HSD17B12: variants seen among roughly 807,000 people sequenced by gnomAD.
HSD17B12 encodes very-long-chain 3-oxoacyl-CoA reductase.
A neutral mutation model predicts 39.3 loss-of-function variants in HSD17B12; 32 were observed. That is an observed-to-expected ratio of 0.81 (90% confidence interval 0.61 to 1.09). HSD17B12 has a LOEUF of 1.09. Ranked by LOEUF, HSD17B12 falls within the 50% of genes least tolerant of loss-of-function variation. HSD17B12 has a pLI of 0.00. For synonymous variants in HSD17B12, 150 were observed against 146.7 expected (o/e 1.02, Z -0.16); for missense variants, 342 against 382.9 (o/e 0.89, Z 0.89).
intron 3 of HSD17B12, among the ~76,000 whole-genome samples, chr11:43,766,266 G>A (rs1322715549): frequency 2.0e-5 from 3 of 151,990 alleles, no homozygotes; most frequent in African/African-American, 4.8e-5. Context: ...TTGACTGCTG[G>A]GCTCTATCTG....
At chr11:43,820,375 C>T (rs1377153274) in intron 6 of HSD17B12, among the ~76,000 whole-genome samples, 5 of 152,134 alleles carry the variant, frequency 3.3e-5, no homozygotes, top group Admixed American at 3.3e-4. Context: ...GTGTGACGCT[C>T]CCAGGTTTAG....
intron 4 of HSD17B12, among the ~76,000 whole-genome samples, chr11:43,808,285 C>G (rs1951037696): frequency 7.6e-6 from 1 of 131,196 alleles, no homozygotes; most frequent in Non-Finnish European, 1.7e-5. Flanking sequence ...AGAATAGGTG[C>G]ATGGATTTTT....
At chr11:43,751,824 C>T (rs931513098) in intron 2 of HSD17B12, among the ~76,000 whole-genome samples, 1 of 152,080 alleles carries the variant, frequency 6.6e-6, no homozygotes, top group African/African-American at 2.4e-5. Flanking sequence ...AACAGTTCAC[C>T]CCTAAATATT....
the HSD17B12 span, among the ~76,000 whole-genome samples, chr11:43,673,857 A>G: frequency 6.6e-6 from 1 of 152,154 alleles, no homozygotes; most frequent in Non-Finnish European, 1.5e-5. Flanking sequence ...TTCTGGAGAT[A>G]TGATTTCATA....
At chr11:43,830,941 T>C (rs6485471) in intron 6 of HSD17B12, 35 bp from the exon 7 acceptor site, 628,436 of 1,584,314 alleles carry the variant, frequency 0.4, 129,364 homozygotes, top group East Asian at 0.72. Flanking sequence ...CCTGCATCCT[T>C]GGCCATCATG....
rs558600919 is a variant in HSD17B12, at chr11:43,736,980, A to T, written c.161-13931A>T. Among the ~76,000 whole-genome samples, 24 of 152,308 alleles carry T rather than the reference A, an allele frequency of 1.6e-4. No individual in the cohort carries two copies. The South Asian group carries it at 4.6e-3, about 29-fold the overall frequency. Reference sequence around the variant, plus strand: ...GATTCCCAAGAGGAATACTGATGCAAGCTCTCTATCATTTTCTATTCCTAC... The same window carrying T: ...GATTCCCAAGAGGAATACTGATGCATGCTCTCTATCATTTTCTATTCCTAC... On this transcript the variant is annotated intron_variant, in intron 1 of 10. Coordinates refer to ENST00000278353, the MANE Select transcript of HSD17B12 (RefSeq NM_016142.3).
chr11:43,775,870 GT>G (rs1300951211), intron 3 of HSD17B12, among the ~76,000 whole-genome samples: 3 of 148,588 alleles, frequency 2.0e-5, no homozygotes, highest in Non-Finnish European at 4.4e-5. Context: ...TTGGTTTTTT[GT>G]TCTTGCAATA....
chr11:43,643,821 G>A, the HSD17B12 span, among the ~76,000 whole-genome samples: 4 of 152,176 alleles, frequency 2.6e-5, no homozygotes, highest in Non-Finnish European at 5.9e-5. Flanking sequence ...TAATAGTGTT[G>A]AGTACACGAA....
intron 1 of HSD17B12, among the ~76,000 whole-genome samples, chr11:43,693,254 G>C (rs1192639720): frequency 6.6e-6 from 1 of 152,194 alleles, no homozygotes; most frequent in Admixed American, 6.5e-5. Flanking sequence ...CAGCAAAGTG[G>C]AAGAGATTTG....
chr11:43,779,137 T>C (rs907105078), intron 3 of HSD17B12, among the ~76,000 whole-genome samples: 3 of 152,214 alleles, frequency 2.0e-5, no homozygotes, highest in African/African-American at 7.2e-5. Context: ...AATCATGAGA[T>C]AGAATTTATC....
chr11:43,643,240 G>GT, the HSD17B12 span, among the ~76,000 whole-genome samples: 1 of 152,082 alleles, frequency 6.6e-6, no homozygotes, highest in African/African-American at 2.4e-5. Flanking sequence ...AGTTTGTACT[G>GT]TATGTACAAA....
chr11:43,673,292 T>C, the HSD17B12 span: 1 of 152,188 alleles, frequency 6.6e-6, no homozygotes, highest in Non-Finnish European at 1.5e-5. Flanking sequence ...ATGGGAATAT[T>C]TGTATACTAA....
chr11:43,694,228 T>TGGTATAAGGGTTACACAGATA (rs1949889527), intron 1 of HSD17B12, among the ~76,000 whole-genome samples: 1 of 152,188 alleles, frequency 6.6e-6, no homozygotes, highest in Non-Finnish European at 1.5e-5. Flanking sequence ...ATGCAGTGAC[T>TGGTATAAGGGTTACACAGATA]GGTATAAGGG....
At chr11:43,690,404 A>ATTTTTTTTTTTTTTTTTTT (rs1206545700) in intron 1 of HSD17B12, among the ~76,000 whole-genome samples, 1 of 24,956 alleles carries the variant, frequency 4.0e-5, no homozygotes, top group African/African-American at 1.9e-4. Flanking sequence ...ATATATATAT[A>ATTTTTTTTTTTTTTTTTTT]TTTTTTTTTT....
At chr11:43,663,626 T>C in the HSD17B12 span, among the ~76,000 whole-genome samples, 114 of 152,326 alleles carry the variant, frequency 7.5e-4, no homozygotes, top group Non-Finnish European at 1.4e-3. Context: ...CCATGTTTTC[T>C]GTATACTTGG....
At chr11:43,703,148 G>A (rs1251363596) in intron 1 of HSD17B12, among the ~76,000 whole-genome samples, 1 of 152,166 alleles carries the variant, frequency 6.6e-6, no homozygotes, top group Non-Finnish European at 1.5e-5. Context: ...GTTTGAGAAG[G>A]ATTGGTACTA....
In HSD17B12 at chr11:43,797,814, T is replaced by C. The variant is rs140647499; in HGVS notation, c.284-506T>C. The stretch of plus-strand genomic sequence containing the variant: ...TTAAAATGTAGTGATTATTAACTAT[T>C]AACCAAGCTCCCAAATTATAAGATC... On this transcript the variant is annotated intron_variant, in intron 3 of 10. Transcript: ENST00000278353. Among the ~76,000 whole-genome samples the C allele has an allele frequency of 3.6e-3, 545 of 152,338 alleles. 14 individuals carry two copies. The South Asian group carries it at 0.06, about 17-fold the overall frequency.
the HSD17B12 span, among the ~76,000 whole-genome samples, chr11:43,613,553 G>A: frequency 2.6e-5 from 4 of 151,926 alleles, no homozygotes; most frequent in African/African-American, 7.2e-5. Flanking sequence ...GAAACCAATT[G>A]AAAAGTGATA....
the HSD17B12 span, among the ~76,000 whole-genome samples, chr11:43,614,773 T>C: frequency 6.6e-6 from 1 of 152,232 alleles, no homozygotes; most frequent in East Asian, 1.9e-4. Context: ...TTTTTTATTT[T>C]AGATATCATA....
Sources: gnomAD v4.1 joint callset for allele counts (sites outside exome capture counted in the v4.1 genomes callset) on GRCh38, gnomAD v4.1.1 for gene constraint, MANE v1.5 for transcripts, NCBI Gene and HGNC (gene_info 2026-07-23, HGNC 2026-07-21) for gene names.